The following PEAK1 variants were observed in gnomAD, a reference collection of about 807,000 sequenced individuals.
PEAK1 encodes the protein inactive tyrosine-protein kinase PEAK1.
In PEAK1, 54 loss-of-function variants were observed where a neutral mutation model predicts 124.7. That is an observed-to-expected ratio of 0.43 (90% CI 0.35 to 0.54). The LOEUF (loss-of-function observed/expected upper bound fraction) is 0.54. Ranked by LOEUF, PEAK1 falls within the 20% of genes least tolerant of loss-of-function variation. The probability of loss-of-function intolerance (pLI) is 0.01; values close to 1 mark genes in which losing one functional copy is unlikely to be tolerated. For missense variants in PEAK1, 2,046 were observed against 2,134.5 expected (o/e 0.96, Z 0.82); for synonymous variants, 719 against 760.0 (o/e 0.95, Z 0.89).
chr15:77,367,225 T>A (rs1244513310), intron 1 of PEAK1, among the ~76,000 whole-genome samples: 3 of 152,210 alleles, frequency 2.0e-5, no homozygotes, highest in African/African-American at 7.2e-5. Flanking sequence ...CAAAGATGCT[T>A]AATGACTAAC....
At chr15:77,350,853 A>C (rs2067165600) in intron 2 of PEAK1, 1 of 983,296 alleles carries the variant, frequency 1.0e-6, no homozygotes, top group Non-Finnish European at 1.2e-6. Flanking sequence ...ATAATCAATT[A>C]CTGGAGCACT....
At chr15:77,368,932 T>G (rs1363615248) in intron 1 of PEAK1, among the ~76,000 whole-genome samples, 4 of 152,222 alleles carry the variant, frequency 2.6e-5, no homozygotes, top group African/African-American at 7.2e-5. Flanking sequence ...CCAGAACTGA[T>G]TTTAAACCAG....
chr15:77,371,671 C>T (rs1052069316), intron 1 of PEAK1, among the ~76,000 whole-genome samples: 3 of 152,102 alleles, frequency 2.0e-5, no homozygotes, highest in Non-Finnish European at 4.4e-5. Flanking sequence ...GAGGATCACT[C>T]GAGGTCCAGA....
chr15:77,382,497 T>C (rs1028603968), intron 1 of PEAK1, among the ~76,000 whole-genome samples: 2 of 152,150 alleles, frequency 1.3e-5, no homozygotes, highest in Non-Finnish European at 2.9e-5. Flanking sequence ...CCTGACATCC[T>C]TCCTCTTGGG....
intron 5 of PEAK1, among the ~76,000 whole-genome samples, chr15:77,258,793 T>C (rs920162669): frequency 2.6e-5 from 4 of 152,246 alleles, no homozygotes; most frequent in African/African-American, 9.6e-5. Context: ...AGGGCATCCC[T>C]GTCTTGTGCC....
At position 77,115,263 on chromosome 15, in the gene PEAK1, C is replaced by T; in HGVS notation, c.4134G>A (p.Arg1378=). ...SQQYYHSLAV[R]QSLAVHFNIQ... The stretch of plus-strand genomic sequence containing the variant: ...TGTTAAAATGGACAGCCAGACTCTG[C>T]CGGACAGCCAAGCTGTGATAATACT... Residue 1378 remains arginine, a synonymous_variant, in exon 10 of 10, where the codon CGG becomes CGA. Coordinates refer to ENST00000682557, the MANE Select transcript of PEAK1 (RefSeq NM_001385026.1). 1 of 1,614,140 alleles carries T rather than the reference C, an allele frequency of 6.2e-7. No individual in the cohort carries two copies. The highest frequency in any genetic ancestry group is 8.5e-7 in the Non-Finnish European group (1 of 1,180,008).
At chr15:77,315,393 T>C (rs574186834) in intron 2 of PEAK1, among the ~76,000 whole-genome samples, 1 of 152,314 alleles carries the variant, frequency 6.6e-6, no homozygotes, top group South Asian at 2.1e-4. Context: ...TCACCAACAT[T>C]TTATTCTTTA....
At position 77,359,402 on chromosome 15, in the gene PEAK1, T is replaced by C. The variant is rs562141479; in HGVS notation, c.-603+5761A>G. On this transcript the variant is annotated intron_variant, in intron 2 of 9. Coordinates refer to ENST00000682557, the MANE Select transcript of PEAK1 (RefSeq NM_001385026.1). ...CTGCAGTGAGCCATGTTCACACCAC[T>C]ACACTCCAGCCTGGGCAACAGAGTA... 1.4e-4 allele frequency among the ~76,000 whole-genome samples: 21 copies of C among 148,566 alleles called. No homozygotes were observed. In the South Asian group the frequency reaches 4.4e-3, roughly 31 times the overall value.
intron 5 of PEAK1, among the ~76,000 whole-genome samples, chr15:77,273,652 A>T (rs2062152449): frequency 6.6e-6 from 1 of 152,208 alleles, no homozygotes; most frequent in South Asian, 2.1e-4. Flanking sequence ...ATAGAAACAC[A>T]TCCCATTTTC....
chr15:77,354,481 A>G (rs2067386551), intron 2 of PEAK1, among the ~76,000 whole-genome samples: 1 of 152,182 alleles, frequency 6.6e-6, no homozygotes, highest in Non-Finnish European at 1.5e-5. Flanking sequence ...TCTTCTTAAA[A>G]TAAAATATTA....
chr15:77,244,470 G>A (rs1238995196), intron 6 of PEAK1, among the ~76,000 whole-genome samples: 1 of 152,174 alleles, frequency 6.6e-6, no homozygotes, highest in Admixed American at 6.5e-5. Flanking sequence ...AGCTAGGGAA[G>A]CCAATAGGGA....
chr15:77,401,958 G>A (rs1379531281), intron 1 of PEAK1: 1 of 943,118 alleles, frequency 1.1e-6, no homozygotes, highest in East Asian at 1.2e-4. Flanking sequence ...CAGCACTTTG[G>A]GAGGCCAACG....
At chr15:77,225,666 T>TTATTTATATATATATA (rs1555448934) in intron 6 of PEAK1, among the ~76,000 whole-genome samples, 3 of 87,994 alleles carry the variant, frequency 3.4e-5, no homozygotes, top group Non-Finnish European at 4.6e-5. Context: ...TGTGTATAAT[T>TTATTTATATATATATA]TATATATATA....
chr15:77,248,067 T>G (rs1306408621), intron 6 of PEAK1, among the ~76,000 whole-genome samples: 1 of 149,690 alleles, frequency 6.7e-6, no homozygotes, highest in Admixed American at 6.6e-5. Context: ...ATTAATTTTG[T>G]TTTTTTTTGG....
At chr15:77,313,731 T>TATA (rs2064679820) in intron 2 of PEAK1, among the ~76,000 whole-genome samples, 1 of 144,870 alleles carries the variant, frequency 6.9e-6, no homozygotes, top group African/African-American at 2.6e-5. Flanking sequence ...TGTGTGTATA[T>TATA]ATATATATAT....
At position 77,313,611 on chromosome 15, in the gene PEAK1, C is replaced by T. The variant is rs1567244180; in HGVS notation, c.-602-27107G>A. On this transcript the variant is annotated intron_variant, in intron 2 of 9. Transcript: ENST00000682557. ...CCTCCTGAGTAGCTGGGATTACAGGCATGCACCACCATGCCCAGTAATGTA... is the reference window on the plus strand; with the variant it reads ...CCTCCTGAGTAGCTGGGATTACAGGTATGCACCACCATGCCCAGTAATGTA... 2.0e-5 allele frequency among the ~76,000 whole-genome samples: 3 copies of T among 149,282 alleles called. No individual in the cohort carries two copies. The South Asian group carries it at 6.4e-4, about 32-fold the overall frequency.
chr15:77,251,779 A>C (rs557309769), intron 6 of PEAK1, among the ~76,000 whole-genome samples: 128 of 152,296 alleles, frequency 8.4e-4, no homozygotes, highest in Non-Finnish European at 1.3e-3. Context: ...AACACCCAGA[A>C]GTTACCGCCT....
chr15:77,228,013 A>G (rs1000376503), intron 6 of PEAK1, among the ~76,000 whole-genome samples: 1 of 152,106 alleles, frequency 6.6e-6, no homozygotes, highest in African/African-American at 2.4e-5. Flanking sequence ...AAAAAAGAAA[A>G]GAAGCTAATA....
chr15:77,176,092 T>C (rs1433319196), intron 7 of PEAK1, among the ~76,000 whole-genome samples: 6 of 148,564 alleles, frequency 4.0e-5, no homozygotes, highest in Non-Finnish European at 8.9e-5. Context: ...TCACACTCTG[T>C]GGACTGTTGT....
Sources: allele counts gnomAD v4.1 joint callset (sites outside exome capture counted in the v4.1 genomes callset), GRCh38; gene constraint gnomAD v4.1.1; transcripts MANE v1.5; gene names NCBI Gene and HGNC (gene_info 2026-07-23, HGNC 2026-07-21).